Variants in MET observed in about 807,000 individuals in gnomAD.
MET encodes the protein hepatocyte growth factor receptor.
Under a neutral mutation model 133.1 loss-of-function variants are expected in MET, and 48 were observed. The observed-to-expected ratio is 0.36, with a 90% CI of 0.29 to 0.46. The LOEUF is 0.46. Among genes scored for constraint, MET ranks in the 20% least tolerant of loss-of-function variants. MET has a pLI of 1.00. For missense variants in MET, 1,442 were observed against 1,695.9 expected (o/e 0.85, Z 2.63); for synonymous variants, 628 against 616.5 (o/e 1.02, Z -0.28).
rs544545520 is a variant in MET at position 116,781,999 on chromosome 7, A to T, written c.3534A>T (p.Val1178=). 3 of 1,612,184 alleles carry T rather than the reference A, an allele frequency of 1.9e-6. No homozygotes were observed. Among genetic ancestry groups the T allele is most frequent in the Non-Finnish European group, 2.5e-6 (3 of 1,178,406 alleles). The part of the protein sequence containing the change: ...FIRNETHNPT[V]KDLIGFGLQV... ...CTCTTTGACTGCAGAATCCAACTGT[A>T]AAAGATCTTATTGGCTTTGGTCTTC... The change falls in exon 18 of 21, where the codon GTA becomes GTT. Residue 1178 remains valine, a synonymous_variant. Transcript: ENST00000397752.
chr7:116,701,562 A>G (rs2116613989), intron 2 of MET, among the ~76,000 whole-genome samples: 1 of 152,210 alleles, frequency 6.6e-6, no homozygotes, highest in South Asian at 2.1e-4. Flanking sequence ...TAAAAACAAA[A>G]CTTCCTTCCT....
chr7:116,733,364 A>T (rs1408052284), intron 3 of MET, among the ~76,000 whole-genome samples: 1 of 151,664 alleles, frequency 6.6e-6, no homozygotes, highest in Non-Finnish European at 1.5e-5. Context: ...TTTTTTTCAA[A>T]ATCGTCCATT....
chr7:116,706,799 C>T (rs901865131), intron 2 of MET, among the ~76,000 whole-genome samples: 11 of 151,834 alleles, frequency 7.2e-5, no homozygotes, highest in Non-Finnish European at 1.5e-4. Context: ...ACATCTCCAG[C>T]GTCCAGGGAG....
chr7:116,735,743 T>G (rs935436857), intron 3 of MET, among the ~76,000 whole-genome samples: 2 of 151,764 alleles, frequency 1.3e-5, no homozygotes, highest in Non-Finnish European at 2.9e-5. Context: ...TGTACATCAT[T>G]AACTTAGTTT....
rs974448652 is a variant in MET at position 116,699,531 on chromosome 7, T to A, written c.447T>A (p.Asn149Lys). The change falls in exon 2 of 21, where the codon AAT becomes AAA. Residue 149 changes from asparagine (N) to lysine (K), a missense_variant. This residue lies in a region of MET where 762 missense variants were observed against 792.4 expected (regional missense o/e 0.96). Coordinates refer to ENST00000397752, the MANE Select transcript of MET (RefSeq NM_000245.4). ...GCCAGCGACATGTCTTTCCCCACAA[T>A]CATACTGCTGACATACAGTCGGAGG... ...GTCQRHVFPH[N>K]HTADIQSEVH... 1 of 1,613,992 alleles carries A rather than the reference T, an allele frequency of 6.2e-7. No individual in the cohort carries two copies. Among genetic ancestry groups the A allele is most frequent in the Non-Finnish European group, 8.5e-7 (1 of 1,179,946 alleles).
chr7:116,754,271 G>T (rs1335265522), intron 5 of MET, among the ~76,000 whole-genome samples: 1 of 152,124 alleles, frequency 6.6e-6, no homozygotes, highest in African/African-American at 2.4e-5. Flanking sequence ...ACCAAATGAG[G>T]TATTTTTACT....
intron 2 of MET, among the ~76,000 whole-genome samples, chr7:116,723,404 C>T (rs1436841470): frequency 6.6e-6 from 1 of 151,418 alleles, no homozygotes; most frequent in Non-Finnish European, 1.5e-5. Flanking sequence ...TCAAAGTTTT[C>T]AACTTCTTTT....
chr7:116,783,235 G>A (rs2117064365), intron 18 of MET, 69 bp from the exon 19 acceptor site: 1 of 1,576,950 alleles, frequency 6.3e-7, no homozygotes, highest in Non-Finnish European at 8.7e-7. Flanking sequence ...TGTTTAATCT[G>A]TAGATATTCA....
chr7:116,761,744 T>C (rs1299336980), intron 10 of MET, among the ~76,000 whole-genome samples: 3 of 152,092 alleles, frequency 2.0e-5, no homozygotes, highest in Non-Finnish European at 4.4e-5. Flanking sequence ...CATTATAATA[T>C]TAATTTTATA....
chr7:116,784,813 TAACTC>T (rs1248651171), intron 19 of MET, among the ~76,000 whole-genome samples: 1 of 152,126 alleles, frequency 6.6e-6, no homozygotes, highest in Admixed American at 6.5e-5. Flanking sequence ...CCCAAAATCT[TAACTC>T]ATTCCAACAT....
At chr7:116,690,048 A>G (rs1796724931) in intron 1 of MET, among the ~76,000 whole-genome samples, 1 of 152,202 alleles carries the variant, frequency 6.6e-6, no homozygotes, top group Non-Finnish European at 1.5e-5. Flanking sequence ...AACACTATTT[A>G]AACTTTAGAT....
intron 3 of MET, among the ~76,000 whole-genome samples, chr7:116,738,619 A>G (rs1460414489): frequency 1.3e-5 from 2 of 152,206 alleles, no homozygotes; most frequent in African/African-American, 4.8e-5. Context: ...ATTAGAGCAC[A>G]AATGTCATGA....
chr7:116,696,745 C>T (rs895376991), intron 1 of MET, among the ~76,000 whole-genome samples: 2 of 152,202 alleles, frequency 1.3e-5, no homozygotes, highest in South Asian at 4.1e-4. Flanking sequence ...AGATAATGTG[C>T]AAAGTTTATT....
chr7:116,705,305 A>T (rs1791745054), intron 2 of MET, among the ~76,000 whole-genome samples: 1 of 149,686 alleles, frequency 6.7e-6, no homozygotes, highest in African/African-American at 2.6e-5. Flanking sequence ...AATAAAATAA[A>T]CAAAGATTTA....
intron 1 of MET, among the ~76,000 whole-genome samples, chr7:116,673,463 T>C (rs1481045075): frequency 6.6e-6 from 1 of 152,202 alleles, no homozygotes; most frequent in Non-Finnish European, 1.5e-5. Flanking sequence ...AGATGGTCCA[T>C]GAATGTGAGA....
intron 1 of MET, among the ~76,000 whole-genome samples, chr7:116,675,598 T>C (rs1026641397): frequency 1.4e-4 from 21 of 152,244 alleles, no homozygotes; most frequent in Non-Finnish European, 1.0e-4. Context: ...CCATGCTATT[T>C]CAATAGCACC....
Position 116,755,513 on chromosome 7 carries a change from T to A in MET, c.1860T>A (p.Asn620Lys), listed in dbSNP as rs2116911152. ...CTLTLSESTM[N>K]TLKCTVGPAM... ...TGACTTTAAGTGAGAGCACGATGAATACGTAAGGATCTTAAAATGCTTTGC... is the reference window on the plus strand; with the variant it reads ...TGACTTTAAGTGAGAGCACGATGAAAACGTAAGGATCTTAAAATGCTTTGC... Residue 620 changes from asparagine to lysine, a missense_variant and splice_region_variant, in exon 6 of 21, where the codon AAT becomes AAA. Physicochemically the swap from Asn to Lys is moderately conservative, Grantham distance 94. Transcript: ENST00000397752. 1 of 1,614,104 alleles carries A rather than the reference T, an allele frequency of 6.2e-7. No individual in the cohort carries two copies. Among genetic ancestry groups the A allele is most frequent in the Non-Finnish European group, 8.5e-7 (1 of 1,179,966 alleles).
intron 2 of MET, among the ~76,000 whole-genome samples, chr7:116,704,529 G>A (rs146215092): frequency 2.9e-4 from 44 of 152,198 alleles, no homozygotes; most frequent in African/African-American, 9.9e-4. Flanking sequence ...TTATTCTCTG[G>A]AAGAGGCACA....
chr7:116,795,862 C>T (rs1185673160), intron 20 of MET, 25 bp from the exon 21 acceptor site: 1 of 1,614,194 alleles, frequency 6.2e-7, no homozygotes, highest in Non-Finnish European at 8.5e-7. Context: ...GGGTCTCTTA[C>T]AGCATGTCTT....
Sources: allele counts gnomAD v4.1 joint callset (sites outside exome capture counted in the v4.1 genomes callset), GRCh38; gene constraint gnomAD v4.1.1; regional missense constraint gnomAD v4.1.1; transcripts MANE v1.5; gene names NCBI Gene and HGNC (gene_info 2026-07-23, HGNC 2026-07-21).